MTX2: variants seen among roughly 807,000 people sequenced by gnomAD.
The protein encoded by MTX2 is metaxin 2.
Under a neutral mutation model 42.3 loss-of-function variants are expected in MTX2, and 35 were observed. That is an observed-to-expected ratio of 0.83 (90% CI 0.63 to 1.10). MTX2 has a LOEUF of 1.10. Among genes scored for constraint, MTX2 ranks in the 50% least tolerant of loss-of-function variants. The pLI, the probability that MTX2 is intolerant of heterozygous loss-of-function variation, is 0.00. For missense variants in MTX2, 307 were observed against 304.1 expected (o/e 1.01, Z -0.07); for synonymous variants, 119 against 100.9 (o/e 1.18, Z -1.08).
chr2:176,302,645 C>T (rs992753687), intron 3 of MTX2, among the ~76,000 whole-genome samples: 3 of 151,958 alleles, frequency 2.0e-5, no homozygotes, highest in African/African-American at 7.2e-5. Context: ...ACCATGTTGG[C>T]CAGGGTGATC....
intron 1 of MTX2, among the ~76,000 whole-genome samples, chr2:176,286,580 G>T (rs1329550432): frequency 6.8e-6 from 1 of 147,468 alleles, no homozygotes; most frequent in Non-Finnish European, 1.5e-5. Context: ...ATGGAGTTTC[G>T]CTCTGGTTGC....
chr2:176,314,190 A>G (rs920425669), intron 3 of MTX2, among the ~76,000 whole-genome samples: 1 of 152,182 alleles, frequency 6.6e-6, no homozygotes, highest in East Asian at 1.9e-4. Context: ...TAATCCCAGC[A>G]CTTTGGAATG....
intron 1 of MTX2, among the ~76,000 whole-genome samples, chr2:176,276,844 CA>C (rs1199819376): frequency 6.6e-6 from 1 of 152,104 alleles, no homozygotes; most frequent in Non-Finnish European, 1.5e-5. Context: ...ATTTTAAGCA[CA>C]TCAGTTAGTT....
chr2:176,299,963 T>C (rs1683982060), intron 3 of MTX2, among the ~76,000 whole-genome samples: 1 of 152,130 alleles, frequency 6.6e-6, no homozygotes, highest in Admixed American at 6.6e-5. Flanking sequence ...CTCTAAGAAC[T>C]TTTATGATTT....
intron 3 of MTX2, among the ~76,000 whole-genome samples, chr2:176,300,135 GAGAGAC>G (rs1383511099): frequency 2.4e-5 from 2 of 83,138 alleles, no homozygotes; most frequent in African/African-American, 5.6e-5. Flanking sequence ...GCACACACTA[GAGAGAC>G]AGAGAGAGAG....
intron 1 of MTX2, among the ~76,000 whole-genome samples, chr2:176,276,865 T>C (rs557415235): frequency 3.3e-5 from 5 of 152,328 alleles, no homozygotes; most frequent in African/African-American, 1.2e-4. Context: ...TTCATCATAC[T>C]ATAATTTATT....
chr2:176,310,554 C>T (rs2105427071), intron 3 of MTX2, among the ~76,000 whole-genome samples: 1 of 152,272 alleles, frequency 6.6e-6, no homozygotes, highest in Non-Finnish European at 1.5e-5. Flanking sequence ...TAGATTTGGT[C>T]TTTTCACATA....
intron 1 of MTX2, among the ~76,000 whole-genome samples, chr2:176,293,196 C>G (rs987591717): frequency 6.6e-6 from 1 of 151,932 alleles, no homozygotes; most frequent in Non-Finnish European, 1.5e-5. Flanking sequence ...GTTCTTTTTC[C>G]CACTCCAGGG....
chr2:176,300,911 T>G (rs981992091), intron 3 of MTX2, among the ~76,000 whole-genome samples: 1 of 152,160 alleles, frequency 6.6e-6, no homozygotes, highest in African/African-American at 2.4e-5. Flanking sequence ...GTTTATTACT[T>G]CTTTCTCTCC....
intron 1 of MTX2, among the ~76,000 whole-genome samples, chr2:176,287,002 TG>T (rs1279461134): frequency 5.3e-5 from 8 of 152,244 alleles, no homozygotes; most frequent in Admixed American, 5.2e-4. Flanking sequence ...CTGTCGTGTA[TG>T]TTTTTTTCTT....
chr2:176,318,153 T>C (rs1343089210), intron 3 of MTX2, among the ~76,000 whole-genome samples: 1 of 152,124 alleles, frequency 6.6e-6, no homozygotes, highest in Non-Finnish European at 1.5e-5. Context: ...TCTTCATTGT[T>C]ATTTTAATAG....
intron 9 of MTX2, among the ~76,000 whole-genome samples, chr2:176,333,033 T>C (rs750905564): frequency 1.3e-5 from 2 of 151,452 alleles, no homozygotes; most frequent in African/African-American, 2.4e-5. Context: ...TGTTTTGATA[T>C]TCAAATGAAA....
At position 176,280,587 on chromosome 2, in the gene MTX2, CA is replaced by C. The variant is rs1296063868; in HGVS notation, c.40+10920del. Reference sequence around the variant, plus strand: ...ATCCACACACATTTGTGTCTTTCCACAAGGTCAGACTTCTGTTGGTGCTTAT... The same window carrying C: ...ATCCACACACATTTGTGTCTTTCCACAGGTCAGACTTCTGTTGGTGCTTAT... On this transcript the variant is annotated intron_variant, in intron 1 of 9. Coordinates refer to ENST00000249442, the MANE Select transcript of MTX2 (RefSeq NM_006554.5). Among the ~76,000 whole-genome samples, 4 of 152,244 alleles carry C rather than the reference CA, an allele frequency of 2.6e-5. No homozygotes were observed. In the East Asian group the frequency reaches 7.7e-4, roughly 29 times the overall value.
intron 2 of MTX2, among the ~76,000 whole-genome samples, chr2:176,297,296 C>A (rs1303725340): frequency 6.6e-6 from 1 of 152,064 alleles, no homozygotes; most frequent in Non-Finnish European, 1.5e-5. Context: ...TTTAGCAGCT[C>A]TTCATATATC....
At chr2:176,277,958 T>TC (rs1692986351) in intron 1 of MTX2, among the ~76,000 whole-genome samples, 1 of 151,588 alleles carries the variant, frequency 6.6e-6, no homozygotes, top group Admixed American at 6.6e-5. Flanking sequence ...AGGTTATACT[T>TC]CAGACTAGAG....
chr2:176,273,215 A>G (rs1692865743), intron 1 of MTX2, among the ~76,000 whole-genome samples: 1 of 152,216 alleles, frequency 6.6e-6, no homozygotes, highest in Non-Finnish European at 1.5e-5. Context: ...TAACAATCCC[A>G]CCTGTTAATA....
At chr2:176,273,940 T>G (rs541455085) in intron 1 of MTX2, among the ~76,000 whole-genome samples, 1 of 152,238 alleles carries the variant, frequency 6.6e-6, no homozygotes, top group African/African-American at 2.4e-5. Flanking sequence ...CCTCTTGTTT[T>G]AACATTTTGT....
At position 176,337,778 on chromosome 2, in the gene MTX2, A is replaced by G; in HGVS notation, c.*114A>G. The stretch of plus-strand genomic sequence containing the variant: ...AAATTACTGCTTTTTGAAACCTCAA[A>G]TTATATAATGTATCTTATGTATGTG... On this transcript the variant is annotated 3_prime_UTR_variant, in exon 10 of 10. Transcript: ENST00000249442. 1.1e-6 allele frequency: 1 copy of G among 896,618 alleles called. No homozygotes were observed. The allele number at this position is 896,618 out of a possible 1,614,324, so 55.5% of individuals were successfully genotyped here. A position where few individuals can be genotyped will look rare whatever the true frequency, so the allele number is the denominator to read the frequency against.
At chr2:176,277,539 A>G (rs1558923052) in intron 1 of MTX2, among the ~76,000 whole-genome samples, 1 of 152,118 alleles carries the variant, frequency 6.6e-6, no homozygotes, top group Non-Finnish European at 1.5e-5. Context: ...AGTAGCTGGG[A>G]TTACAGGCAT....
Sources: allele counts gnomAD v4.1 joint callset (sites outside exome capture counted in the v4.1 genomes callset), GRCh38; gene constraint gnomAD v4.1.1; transcripts MANE v1.5; gene names NCBI Gene and HGNC (gene_info 2026-07-23, HGNC 2026-07-21).